The following FKBP3 variants were observed in gnomAD, a reference collection of about 807,000 sequenced individuals.
FKBP3 encodes the protein peptidyl-prolyl cis-trans isomerase FKBP3.
Under a neutral mutation model 30.6 loss-of-function variants are expected in FKBP3, and 21 were observed. The observed-to-expected ratio is 0.69, with a 90% confidence interval of 0.49 to 0.99. The LOEUF (loss-of-function observed/expected upper bound fraction) is 0.99. Ranked by LOEUF, FKBP3 falls within the 50% of genes least tolerant of loss-of-function variation. The probability of loss-of-function intolerance (pLI) is 0.00; values close to 1 mark genes in which losing one functional copy is unlikely to be tolerated. For synonymous variants in FKBP3, 82 were observed against 91.3 expected, an observed-to-expected ratio of 0.90 and a Z score of 0.58; for missense variants, 283 against 261.6, an observed-to-expected ratio of 1.08 and a Z score of -0.56.
At chr14:45,131,692 C>G (rs1021792755) in intron 1 of FKBP3, among the ~76,000 whole-genome samples, 1 of 149,090 alleles carries the variant, frequency 6.7e-6, no homozygotes, top group Non-Finnish European at 1.5e-5. Flanking sequence ...CTAAGCTTGT[C>G]TAAAGACTCA....
Position 45,116,229 on chromosome 14 carries a change from G to A in FKBP3, c.644C>T (p.Thr215Ile), listed in dbSNP as rs1465432364. 6.2e-7 allele frequency: 1 copy of A among 1,613,046 alleles called. No individual in the cohort carries two copies. The stretch of plus-strand genomic sequence containing the variant: ...AATATCCACTAATTCCACTTCAAAA[G>A]TGAGTTTTGCATTTGGTGGAATTCT... ...DAKIPPNAKL[T>I]FEVELVDID is the part of the protein sequence containing the mutation. The change falls in exon 7 of 7, where the codon ACT becomes ATT. Residue 215 changes from threonine (T) to isoleucine (I), a missense_variant. Coordinates refer to ENST00000396062, the MANE Select transcript of FKBP3 (RefSeq NM_002013.4).
At chr14:45,124,579 C>T (rs1478680736) in intron 3 of FKBP3, among the ~76,000 whole-genome samples, 4 of 150,008 alleles carry the variant, frequency 2.7e-5, no homozygotes, top group Non-Finnish European at 5.9e-5. Context: ...TTTTAAGAGA[C>T]AGGGTTTCAG....
rs1356024304 is a variant in FKBP3 at position 45,124,508 on chromosome 14, G to T, written c.319-2888C>A. Among the ~76,000 whole-genome samples, 6 of 151,514 alleles carry T rather than the reference G, an allele frequency of 4.0e-5. No individual in the cohort carries two copies. In the South Asian group the frequency reaches 1.3e-3, roughly 32 times the overall value. Reference sequence around the variant, plus strand: ...AATTGTGCCACTGAATTCCAGCCTGGGTGACAAGAGTAAAACTCTGTCTTA... The same window carrying T: ...AATTGTGCCACTGAATTCCAGCCTGTGTGACAAGAGTAAAACTCTGTCTTA... On this transcript the variant is annotated intron_variant, in intron 3 of 6. Transcript: ENST00000396062.
At chr14:45,124,200 A>C (rs1030182729) in intron 3 of FKBP3, among the ~76,000 whole-genome samples, 1 of 152,066 alleles carries the variant, frequency 6.6e-6, no homozygotes, top group Non-Finnish European at 1.5e-5. Context: ...TGTCTTTTCC[A>C]TGACCTTCTC....
chr14:45,134,408 TG>T lies in FKBP3; in HGVS notation c.48del (p.Ser17ValfsTer28), dbSNP rs1315875222. 1 of 1,613,432 alleles carries T rather than the reference TG, an allele frequency of 6.2e-7. No individual in the cohort carries two copies. The highest frequency in any genetic ancestry group is 8.5e-7 in the Non-Finnish European group (1 of 1,179,694). ...PQRAWTVEQLRSEQLPKKDII... is the reference protein window; with the variant it reads ...PQRAWTVEQLXSEQLPKKDII... ...ATGTCCTTCTTGGGCAGCTGCTCACTGCGCAGCTGCTCCACGGTCCACGCCC... is the reference window on the plus strand; with the variant it reads ...ATGTCCTTCTTGGGCAGCTGCTCACTCGCAGCTGCTCCACGGTCCACGCCC... On this transcript the variant is annotated frameshift_variant, in exon 1 of 7. Coordinates refer to ENST00000396062, the MANE Select transcript of FKBP3 (RefSeq NM_002013.4). LOFTEE classifies it high-confidence loss of function.
chr14:45,130,481 G>C (rs975714516), intron 2 of FKBP3, among the ~76,000 whole-genome samples: 11 of 152,150 alleles, frequency 7.2e-5, no homozygotes, highest in African/African-American at 2.7e-4. Context: ...CTCAATTTAA[G>C]CTACAAAATC....
intron 2 of FKBP3, among the ~76,000 whole-genome samples, chr14:45,130,186 A>G (rs188103771): frequency 1.2e-4 from 19 of 152,350 alleles, no homozygotes; most frequent in African/African-American, 4.3e-4. Context: ...TATAAGCACT[A>G]TTCAAATAAC....
At position 45,120,881 on chromosome 14, in the gene FKBP3, A is replaced by G; in HGVS notation, c.522+6T>C. 6.2e-7 allele frequency: 1 copy of G among 1,609,622 alleles called. No homozygotes were observed. Among genetic ancestry groups the G allele is most frequent in the Non-Finnish European group, 8.5e-7 (1 of 1,176,468 alleles). On this transcript the variant is annotated splice_donor_region_variant and intron_variant, in intron 5 of 6. Coordinates refer to ENST00000396062, the MANE Select transcript of FKBP3 (RefSeq NM_002013.4). The stretch of plus-strand genomic sequence containing the variant: ...ATCTACTGATTCATTGGCATTCTTT[A>G]CTTACTCCTCTGATAACTTTGCCTA...
intron 5 of FKBP3, among the ~76,000 whole-genome samples, chr14:45,120,266 C>T (rs1009707584): frequency 2.0e-5 from 3 of 152,186 alleles, no homozygotes; most frequent in Non-Finnish European, 4.4e-5. Flanking sequence ...ACTCTTTTAT[C>T]TTCTTTTGTA....
chr14:45,117,878 C>T (rs1351884786), intron 6 of FKBP3, 150 bp downstream of exon 6: 2 of 619,588 alleles, frequency 3.2e-6, no homozygotes, highest in East Asian at 5.8e-5. Context: ...ATTGGAGGTG[C>T]TGACACATAA....
chr14:45,129,086 C>T (rs757697384), intron 3 of FKBP3, among the ~76,000 whole-genome samples: 7 of 152,212 alleles, frequency 4.6e-5, no homozygotes, highest in Non-Finnish European at 7.3e-5. Context: ...ACTGAACTTA[C>T]ACTTTCCACA....
At chr14:45,118,223 G>T in intron 5 of FKBP3, 98 bp from the exon 6 acceptor site, 1 of 683,438 alleles carries the variant, frequency 1.5e-6, no homozygotes. Flanking sequence ...AACAAACACA[G>T]AATCTATTAC....
Position 45,124,555 on chromosome 14 carries a change from AT to A in FKBP3, c.319-2936del, listed in dbSNP as rs962736908. Among the ~76,000 whole-genome samples, 12 of 150,186 alleles carry A rather than the reference AT, an allele frequency of 8.0e-5. No homozygotes were observed. The South Asian group carries it at 1.7e-3, about 21-fold the overall frequency. ...CTTAAAAAAAAAATTATATATATAT[AT>A]TTTTTTTTCTTTTTTTAAGAGACAG... On this transcript the variant is annotated intron_variant, in intron 3 of 6. Transcript: ENST00000396062.
intron 1 of FKBP3, 127 bp from the exon 2 acceptor site, chr14:45,130,927 G>T: frequency 1.9e-6 from 1 of 537,896 alleles, no homozygotes; most frequent in South Asian, 2.7e-5. Context: ...AAGAAATAAA[G>T]CCTATAGTTT....
At position 45,121,600 on chromosome 14, in the gene FKBP3, T is replaced by G; in HGVS notation, c.339A>C (p.Lys113Asn). Residue 113 changes from lysine (K) to asparagine (N), a missense_variant, in exon 4 of 7, where the codon AAA becomes AAC. Transcript: ENST00000396062. ...TTTTATCTCCCTTTTTCAGAACAGA[T>G]TTAGTATATTTTGGTGGACCCTAAA... The part of the protein sequence containing the change: ...TLDEGPPKYT[K>N]SVLKKGDKTN... 1 of 1,613,538 alleles carries G rather than the reference T, an allele frequency of 6.2e-7. No homozygotes were observed. Among genetic ancestry groups the G allele is most frequent in the Non-Finnish European group, 8.5e-7 (1 of 1,179,736 alleles).
rs36080890 is a variant in FKBP3, at chr14:45,121,636, AACAC to A, written c.319-20_319-17del. The stretch of plus-strand genomic sequence containing the variant: ...TTGGTGGACCCTAAAAACAAAAAAC[AACAC>A]ACACACACAGAGTTATTAATTTGTG... On this transcript the variant is annotated splice_polypyrimidine_tract_variant and intron_variant, in intron 3 of 6. Coordinates refer to ENST00000396062, the MANE Select transcript of FKBP3 (RefSeq NM_002013.4). 3,840 of 1,611,008 alleles carry A rather than the reference AACAC, an allele frequency of 2.4e-3. 85 individuals are homozygous for A. In the African/African-American group the frequency reaches 0.043, roughly 18 times the overall value.
intron 3 of FKBP3, among the ~76,000 whole-genome samples, chr14:45,123,621 T>C (rs1885034485): frequency 7.3e-6 from 1 of 136,400 alleles, no homozygotes; most frequent in South Asian, 2.7e-4. Context: ...TTTTTTTTTT[T>C]TTTTTTTTTT....
chr14:45,120,553 T>G (rs1884962220), intron 5 of FKBP3, among the ~76,000 whole-genome samples: 1 of 152,144 alleles, frequency 6.6e-6, no homozygotes, highest in Admixed American at 6.5e-5. Flanking sequence ...GGGCCAAACA[T>G]TCTGACAAAG....
rs1430765773 is a variant in FKBP3, at chr14:45,118,100, C to T, written c.548G>A (p.Ser183Asn). 3.7e-6 allele frequency: 6 copies of T among 1,603,446 alleles called. No individual in the cohort carries two copies. Residue 183 changes from serine (S) to asparagine (N), a missense_variant, in exon 6 of 7, where the codon AGT becomes AAT. Transcript: ENST00000396062. ...RGWDEALLTM[S>N]KGEKARLEIE... is the part of the protein sequence containing the mutation. ...CTCCAGTCGAGCCTTTTCTCCTTTA[C>T]TCATAGTCAAGAGAGCTTCATCCCA... is the stretch of plus-strand genomic sequence containing the variant.
Sources: gnomAD v4.1 joint callset for allele counts (sites outside exome capture counted in the v4.1 genomes callset) on GRCh38, gnomAD v4.1.1 for gene constraint, MANE v1.5 for transcripts, NCBI Gene and HGNC (gene_info 2026-07-23, HGNC 2026-07-21) for gene names.